The following EBF2 variants were observed in gnomAD, a reference collection of about 807,000 sequenced individuals.
EBF2 encodes the protein transcription factor COE2.
Under a neutral mutation model 72.8 loss-of-function variants are expected in EBF2, and 21 were observed. That is an observed-to-expected ratio of 0.29 (90% CI 0.20 to 0.42). EBF2 has a LOEUF of 0.42. Ranked by LOEUF, EBF2 falls within the 10% of genes least tolerant of loss-of-function variation. The pLI is 1.00. For synonymous variants in EBF2, 299 were observed against 274.2 expected, an observed-to-expected ratio of 1.09 and a Z score of -0.89; for missense variants, 637 against 731.2, an observed-to-expected ratio of 0.87 and a Z score of 1.49.
intron 6 of EBF2, among the ~76,000 whole-genome samples, chr8:25,940,119 T>C (rs1803644888): frequency 6.6e-6 from 1 of 152,164 alleles, no homozygotes; most frequent in South Asian, 2.1e-4. Context: ...GGCAATATCA[T>C]GATGAAAGAA....
chr8:25,905,107 C>G (rs747795828), intron 7 of EBF2, among the ~76,000 whole-genome samples: 11 of 152,150 alleles, frequency 7.2e-5, no homozygotes, highest in Non-Finnish European at 1.5e-4. Flanking sequence ...CTCAAAATCA[C>G]TAATCATTAA....
chr8:26,021,861 T>C (rs1407734973), intron 6 of EBF2, among the ~76,000 whole-genome samples: 1 of 152,246 alleles, frequency 6.6e-6, no homozygotes, highest in Admixed American at 6.5e-5. Flanking sequence ...CAAATTTTAC[T>C]GTGGTTATTA....
chr8:25,903,752 G>A (rs1245742421), intron 7 of EBF2, among the ~76,000 whole-genome samples: 1 of 152,170 alleles, frequency 6.6e-6, no homozygotes, highest in Admixed American at 6.5e-5. Context: ...GGCTGTGGCA[G>A]CTTTTGAGGA....
Position 26,044,312 on chromosome 8 carries a change from C to T in EBF2, c.131+417G>A, listed in dbSNP as rs1805663087. On this transcript the variant is annotated intron_variant, in intron 1 of 15. Coordinates refer to ENST00000520164, the MANE Select transcript of EBF2 (RefSeq NM_022659.4). This position sits in a 1 kb window ranked among gnomAD's most constrained non-coding sequence, Gnocchi z 4.1. ...GCGGGAGGTAGGCGCTCGCAGGCGG[C>T]GTGGCGAAGCCAAGAGTGGCCAGGA... Among the ~76,000 whole-genome samples the T allele has an allele frequency of 6.6e-6, 1 of 152,176 alleles. No homozygotes were observed. The highest frequency in any genetic ancestry group is 1.5e-5 in the Non-Finnish European group (1 of 68,036).
At position 26,044,509 on chromosome 8, in the gene EBF2, G is replaced by C. The variant is rs867022618; in HGVS notation, c.131+220C>G. ...AAAGGAGAGGGAGAGAAACGCCTAC[G>C]ACCCAGGCAGTTCAGGAACTCGAGT... On this transcript the variant is annotated intron_variant, in intron 1 of 15. Transcript: ENST00000520164. This position sits in a 1 kb window ranked among gnomAD's most constrained non-coding sequence, Gnocchi z 4.1. 2.6e-5 allele frequency among the ~76,000 whole-genome samples: 4 copies of C among 152,226 alleles called. No homozygotes were observed. The highest frequency in any genetic ancestry group is 4.1e-4 in the South Asian group (2 of 4,832).
At chr8:25,966,798 A>C (rs1804122136) in intron 6 of EBF2, among the ~76,000 whole-genome samples, 1 of 152,218 alleles carries the variant, frequency 6.6e-6, no homozygotes, top group African/African-American at 2.4e-5. Context: ...GATAGCCAGC[A>C]TGCTGGGGTG....
chr8:25,860,543 T>C (rs6988186), intron 13 of EBF2, among the ~76,000 whole-genome samples: 74,397 of 150,462 alleles, frequency 0.49, 20,631 homozygotes, highest in African/African-American at 0.74. Context: ...TGGAGTGCAC[T>C]GTCACACTGC....
intron 13 of EBF2, among the ~76,000 whole-genome samples, chr8:25,859,400 C>T (rs1585262366): frequency 6.6e-6 from 1 of 152,182 alleles, no homozygotes; most frequent in African/African-American, 2.4e-5. Context: ...GTTGTTGCCA[C>T]ACCCTAGGTG....
intron 2 of EBF2, among the ~76,000 whole-genome samples, chr8:26,041,723 C>A (rs1318654470): frequency 2.0e-5 from 3 of 152,200 alleles, no homozygotes; most frequent in Non-Finnish European, 4.4e-5. Flanking sequence ...AGTGCCGCAA[C>A]TCAGGCCACC....
In EBF2 at chr8:26,012,880, T is replaced by C. The variant is rs1184223992; in HGVS notation, c.551+20205A>G. 2.6e-5 allele frequency among the ~76,000 whole-genome samples: 4 copies of C among 152,320 alleles called. No individual in the cohort carries two copies. The East Asian group carries it at 7.7e-4, about 29-fold the overall frequency. ...GTGCAGGCCTTCTGTTATCCATTCA[T>C]TAAACAAATACTCATCGATACCTAC... On this transcript the variant is annotated intron_variant, in intron 6 of 15. Coordinates refer to ENST00000520164, the MANE Select transcript of EBF2 (RefSeq NM_022659.4).
intron 10 of EBF2, among the ~76,000 whole-genome samples, chr8:25,871,031 TA>T (rs1195610616): frequency 6.6e-6 from 1 of 152,170 alleles, no homozygotes; most frequent in Non-Finnish European, 1.5e-5. Context: ...TAGCCAACAC[TA>T]AACCATAAGA....
chr8:25,866,424 ATTT>A (rs1802317150), intron 10 of EBF2, among the ~76,000 whole-genome samples: 1 of 134,846 alleles, frequency 7.4e-6, no homozygotes, highest in South Asian at 2.4e-4. Context: ...TTTTGGCCAG[ATTT>A]TTTATTTATA....
chr8:25,989,012 C>T (rs7002349), intron 6 of EBF2, among the ~76,000 whole-genome samples: 1 of 152,050 alleles, frequency 6.6e-6, no homozygotes, highest in African/African-American at 2.4e-5. Context: ...GGGACAGTTG[C>T]GGTGTAGAGG....
At chr8:26,026,942 T>C (rs1368050546) in intron 6 of EBF2, among the ~76,000 whole-genome samples, 2 of 152,206 alleles carry the variant, frequency 1.3e-5, no homozygotes, top group African/African-American at 4.8e-5. Context: ...ACAAATGTCA[T>C]AGCACAATGC....
chr8:25,990,403 C>A (rs1412180161), intron 6 of EBF2, among the ~76,000 whole-genome samples: 2 of 152,154 alleles, frequency 1.3e-5, no homozygotes, highest in Non-Finnish European at 2.9e-5. Flanking sequence ...TCAGTATAAT[C>A]CAAGAACCCT....
intron 6 of EBF2, among the ~76,000 whole-genome samples, chr8:26,030,885 T>C (rs1428670568): frequency 6.6e-6 from 1 of 152,266 alleles, no homozygotes; most frequent in Non-Finnish European, 1.5e-5. Context: ...AGGCGCCTAA[T>C]ATGAAAATCT....
At chr8:25,844,847 G>C (rs550779026) in intron 15 of EBF2, among the ~76,000 whole-genome samples, 1 of 152,340 alleles carries the variant, frequency 6.6e-6, no homozygotes, top group African/African-American at 2.4e-5. Flanking sequence ...AATCACTGAA[G>C]TACAAGGAAA....
chr8:25,925,629 G>A (rs1803373463), intron 6 of EBF2, among the ~76,000 whole-genome samples: 1 of 152,150 alleles, frequency 6.6e-6, no homozygotes, highest in African/African-American at 2.4e-5. Flanking sequence ...CTACGCATGT[G>A]TGTGTGTCAA....
At chr8:25,887,691 T>A (rs1433140774) in intron 9 of EBF2, 151 bp downstream of exon 9, 6 of 771,010 alleles carry the variant, frequency 7.8e-6, no homozygotes, top group Non-Finnish European at 1.1e-5. Context: ...TTTTAAATAA[T>A]ACTGCAGTGG....
Sources: allele counts gnomAD v4.1 joint callset (sites outside exome capture counted in the v4.1 genomes callset), GRCh38; gene constraint gnomAD v4.1.1; non-coding constraint Gnocchi (gnomAD v3.1); transcripts MANE v1.5; gene names NCBI Gene and HGNC (gene_info 2026-07-23, HGNC 2026-07-21).